C2: variants seen among roughly 807,000 people sequenced by gnomAD.
The protein encoded by C2 is C3/C5 convertase.
C2 carries 64 observed loss-of-function variants against 85.2 expected under a neutral mutation model. The observed-to-expected ratio is 0.75, with a 90% CI of 0.61 to 0.92. The LOEUF is 0.92. Ranked by LOEUF, C2 falls within the 40% of genes least tolerant of loss-of-function variation. The pLI is 0.00. For synonymous variants in C2, 311 were observed against 370.8 expected (o/e 0.84, Z 1.85); for missense variants, 820 against 971.6 (o/e 0.84, Z 2.07).
intron 3 of C2, among the ~76,000 whole-genome samples, chr6:31,930,012 AAAAC>A (rs9332713): frequency 0.077 from 11,601 of 150,996 alleles, 467 homozygotes; most frequent in African/African-American, 0.11. Context: ...ACTCTGTCTC[AAAAC>A]AAACAAACAA....
At chr6:31,902,946 A>G (rs1393012391) in intron 1 of C2, among the ~76,000 whole-genome samples, 2 of 151,550 alleles carry the variant, frequency 1.3e-5, no homozygotes, top group African/African-American at 4.9e-5. Flanking sequence ...CTTATTCCTC[A>G]CCTCTCCTCC....
At chr6:31,938,438 GTATATATATATATGTATGTA>G (rs1770595857) in intron 8 of C2, among the ~76,000 whole-genome samples, 4 of 143,498 alleles carry the variant, frequency 2.8e-5, no homozygotes, top group Admixed American at 2.1e-4. Flanking sequence ...GTAAAAGTGT[GTATATATATATATGTATGTA>G]TATATATATA....
At chr6:31,932,524 A>C (rs9267759) in intron 3 of C2, 8 of 213,340 alleles carry the variant, frequency 3.7e-5, no homozygotes, top group South Asian at 8.8e-5. Flanking sequence ...GATGGGCGGC[A>C]GGGCAGAGAC....
In C2 at chr6:31,944,838, G is replaced by A. The variant is rs1263910583; in HGVS notation, c.2014G>A (p.Glu672Lys). 8 of 1,612,980 alleles carry A rather than the reference G, an allele frequency of 5.0e-6. No individual in the cohort carries two copies. Among genetic ancestry groups the A allele is most frequent in the Non-Finnish European group, 6.8e-6 (8 of 1,180,028 alleles). ...QFLCSGTQED[E>K]SPCKGESGGA... The stretch of plus-strand genomic sequence containing the variant: ...CCTATGCAGTGGGACCCAGGAGGAT[G>A]AGAGTCCCTGCAAGGGTGAGTCCCT... The change falls in exon 16 of 18, where the codon GAG becomes AAG. Residue 672 changes from glutamate to lysine, a missense_variant. Transcript: ENST00000299367. The surrounding 1 kb of genome is among the most constrained non-coding windows in gnomAD (Gnocchi z 5.1).
chr6:31,928,809 A>G lies in C2; in HGVS notation c.334A>G (p.Asn112Asp). 1 of 1,614,176 alleles carries G rather than the reference A, an allele frequency of 6.2e-7. No individual in the cohort carries two copies. Among genetic ancestry groups the G allele is most frequent in the Non-Finnish European group, 8.5e-7 (1 of 1,180,026 alleles). The change falls in exon 3 of 18, where the codon AAT (asparagine) becomes GAT (aspartate). Residue 112 changes from asparagine (N) to aspartate (D), a missense_variant. Coordinates refer to ENST00000299367, the MANE Select transcript of C2 (RefSeq NM_000063.6). The part of the protein sequence containing the change: ...PRLGSYPVGG[N>D]VSFECEDGFI... ...GCTGGGGTCCTATCCCGTGGGTGGC[A>G]ATGTGAGCTTCGAGTGTGAGGATGG...
In C2 at chr6:31,934,184, T is replaced by G. The variant is rs1387985996; in HGVS notation, c.734T>G (p.Ile245Ser). 1 of 1,614,146 alleles carries G rather than the reference T, an allele frequency of 6.2e-7. No individual in the cohort carries two copies. The highest frequency in any genetic ancestry group is 1.7e-5 in the Admixed American group (1 of 60,004). Residue 245 changes from isoleucine to serine, a missense_variant, in exon 6 of 18, where the codon ATC becomes AGC. By Grantham distance (142) the Ile-to-Ser change is moderately radical. Coordinates refer to ENST00000299367, the MANE Select transcript of C2 (RefSeq NM_000063.6). Reference protein sequence around the residue: ...QKTKESLGRKIQIQRSGHLNL... With the variant: ...QKTKESLGRKSQIQRSGHLNL... ...TCTCCAGAAAGCCTGGGCCGTAAAA[T>G]CCAAATCCAGCGCTCTGGTCATCTG...
chr6:31,906,811 G>A (rs2151703843), intron 1 of C2, among the ~76,000 whole-genome samples: 1 of 151,934 alleles, frequency 6.6e-6, no homozygotes, highest in East Asian at 1.9e-4. Flanking sequence ...ATTCGTGAGA[G>A]CAGAAATACA....
intron 7 of C2, chr6:31,937,035 C>T: frequency 2.4e-6 from 1 of 412,364 alleles, no homozygotes; most frequent in East Asian, 5.1e-5. Context: ...TGGTGAAACC[C>T]CATCTCTACT....
At chr6:31,912,895 G>A (rs1349674131) in intron 1 of C2, among the ~76,000 whole-genome samples, 1 of 151,222 alleles carries the variant, frequency 6.6e-6, no homozygotes, top group African/African-American at 2.4e-5. Context: ...CTCTGTGATG[G>A]TTAATTTTAT....
Position 31,928,899 on chromosome 6 carries a change from G to C in C2, c.424G>C (p.Ala142Pro). The C allele has an allele frequency of 6.2e-7, 1 of 1,613,536 alleles. No homozygotes were observed. Among genetic ancestry groups the C allele is most frequent in the Non-Finnish European group, 8.5e-7 (1 of 1,179,516 alleles). Residue 142 changes from alanine (A) to proline (P), a missense_variant, in exon 3 of 18, where the codon GCT (alanine) becomes CCT (proline). Ala to Pro is a conservative substitution (Grantham distance 27, BLOSUM62 -1). Coordinates refer to ENST00000299367, the MANE Select transcript of C2 (RefSeq NM_000063.6). ...CAACGGCATGTGGGATGGAGAAACA[G>C]CTGTGTGTGATAATGGGGGTGAGTT... is the stretch of plus-strand genomic sequence containing the variant. ...RPNGMWDGET[A>P]VCDNGAGHCP...
In C2 at chr6:31,934,317, T is replaced by C; in HGVS notation, c.849+18T>C. 2 of 1,612,106 alleles carry C rather than the reference T, an allele frequency of 1.2e-6. No homozygotes were observed. The highest frequency in any genetic ancestry group is 1.3e-5 in the African/African-American group (1 of 74,956). On this transcript the variant is annotated intron_variant, in intron 6 of 17. Transcript: ENST00000299367. ...TGGACAGGGTCAGGAATCAGGAGTC[T>C]GCCTGCAGCAGAGGCCTTCCTGTGC...
At chr6:31,939,513 T>C (rs1380699797) in intron 9 of C2, among the ~76,000 whole-genome samples, 193 bp downstream of exon 9, 4 of 149,954 alleles carry the variant, frequency 2.7e-5, no homozygotes, top group Admixed American at 6.6e-5. Context: ...TTACCTTCTT[T>C]TTTTTTTTTT....
At position 31,943,363 on chromosome 6, in the gene C2, C is replaced by T. The variant is rs562499267; in HGVS notation, c.1455+44C>T. 59 of 1,606,866 alleles carry T rather than the reference C, an allele frequency of 3.7e-5. No homozygotes were observed. Among genetic ancestry groups the T allele is most frequent in the Admixed American group, 2.5e-4 (15 of 60,028 alleles). On this transcript the variant is annotated intron_variant, in intron 11 of 17. Transcript: ENST00000299367. This position sits in a 1 kb window ranked among gnomAD's most constrained non-coding sequence, Gnocchi z 6.4. ...AGGGCTTGGATTCCAGAGGTAAAAGCGGCCATGGGCCAGACATACTGCAAT... is the reference window on the plus strand; with the variant it reads ...AGGGCTTGGATTCCAGAGGTAAAAGTGGCCATGGGCCAGACATACTGCAAT...
intron 6 of C2, chr6:31,934,508 T>C: frequency 8.0e-7 from 1 of 1,252,490 alleles, no homozygotes; most frequent in Non-Finnish European, 1.1e-6. Context: ...GTGCTGGGGC[T>C]GGGCGACAGC....
chr6:31,944,745 G>T lies in C2; in HGVS notation c.1921G>T (p.Val641Phe). The T allele has an allele frequency of 1.2e-6, 2 of 1,613,102 alleles. No homozygotes were observed. The highest frequency in any genetic ancestry group is 8.5e-7 in the Non-Finnish European group (1 of 1,180,038). ...GCTGCAGTGGACAAGCTGTGCCGAGGTTGTCTCCCAAGAAAAAACCATGTT... is the reference window on the plus strand; with the variant it reads ...GCTGCAGTGGACAAGCTGTGCCGAGTTTGTCTCCCAAGAAAAAACCATGTT... The part of the protein sequence containing the change: ...MGVEWTSCAE[V>F]VSQEKTMFPN... Residue 641 changes from valine (V) to phenylalanine (F), a missense_variant, in exon 16 of 18, where the codon GTT becomes TTT. Physicochemically the swap from Val to Phe is conservative, Grantham distance 50 (BLOSUM62 -1). Coordinates refer to ENST00000299367, the MANE Select transcript of C2 (RefSeq NM_000063.6). The surrounding 1 kb of genome is among the most constrained non-coding windows in gnomAD (Gnocchi z 5.1).
At chr6:31,918,930 G>A (rs1157284593), upstream of C2, among the ~76,000 whole-genome samples, 1 of 151,210 alleles carries the variant, frequency 6.6e-6, no homozygotes, top group African/African-American at 2.4e-5. Context: ...GTTGGTGGGT[G>A]GTATATAGAC....
In C2 at chr6:31,943,052, T is replaced by A; in HGVS notation, c.1313T>A (p.Ile438Asn). The change falls in exon 10 of 18, where the codon ATT (isoleucine) becomes AAT (asparagine). Residue 438 changes from isoleucine (I) to asparagine (N), a missense_variant. Physicochemically the swap from Ile to Asn is moderately radical, Grantham distance 149. Coordinates refer to ENST00000299367, the MANE Select transcript of C2 (RefSeq NM_000063.6). The surrounding 1 kb of genome is among the most constrained non-coding windows in gnomAD (Gnocchi z 6.4). ...SKKDGERHAF[I>N]LQDTKALHQV... ...AAGGATGGTGAGAGGCATGCCTTCATTCTGCAGGACACAAAGGCTCTGCAC... is the reference window on the plus strand; with the variant it reads ...AAGGATGGTGAGAGGCATGCCTTCAATCTGCAGGACACAAAGGCTCTGCAC... 4 of 1,613,078 alleles carry A rather than the reference T, an allele frequency of 2.5e-6. No individual in the cohort carries two copies. The highest frequency in any genetic ancestry group is 3.4e-6 in the Non-Finnish European group (4 of 1,180,036).
Position 31,944,197 on chromosome 6 carries a change from C to T in C2, c.1873C>T (p.Leu625=). The change falls in exon 15 of 18, where the codon CTG becomes TTG. Residue 625 remains leucine (L), a synonymous_variant. Coordinates refer to ENST00000299367, the MANE Select transcript of C2 (RefSeq NM_000063.6). This position sits in a 1 kb window ranked among gnomAD's most constrained non-coding sequence, Gnocchi z 5.1. ...TTTTGTCGCCTTGAATGGGAGCAAA[C>T]TGAACATTAACCTTAAGATGGGAGT... ...AHFVALNGSK[L]NINLKMGVEW... 6.2e-7 allele frequency: 1 copy of T among 1,612,264 alleles called. No individual in the cohort carries two copies. Among genetic ancestry groups the T allele is most frequent in the Non-Finnish European group, 8.5e-7 (1 of 1,179,328 alleles).
rs762200436 is a variant in C2, at chr6:31,927,946, C to A, written c.47-9C>A. ...CTCCATTGCTGTCTCCTTGTTCCCA[C>A]GGCTCTAGGTCTGGCAGACTCGGCT... On this transcript the variant is annotated splice_polypyrimidine_tract_variant and intron_variant, in intron 1 of 17. Coordinates refer to ENST00000299367, the MANE Select transcript of C2 (RefSeq NM_000063.6). This position sits in a 1 kb window ranked among gnomAD's most constrained non-coding sequence, Gnocchi z 4.7. 3.7e-6 allele frequency: 6 copies of A among 1,612,070 alleles called. No individual in the cohort carries two copies. The highest frequency in any genetic ancestry group is 5.1e-6 in the Non-Finnish European group (6 of 1,178,092).
Sources: gnomAD v4.1 joint callset for allele counts (sites outside exome capture counted in the v4.1 genomes callset) on GRCh38, gnomAD v4.1.1 for gene constraint, Gnocchi (gnomAD v3.1) non-coding constraint, MANE v1.5 for transcripts, NCBI Gene and HGNC (gene_info 2026-07-23, HGNC 2026-07-21) for gene names.